CTNNA3: variants seen among roughly 807,000 people sequenced by gnomAD.
CTNNA3 encodes catenin alpha 3.
A neutral mutation model predicts 95.7 loss-of-function variants in CTNNA3; 76 were observed. The observed-to-expected ratio is 0.79, with a 90% CI of 0.66 to 0.96. CTNNA3 has a LOEUF of 0.96. CTNNA3 is among the 40% of genes least tolerant of loss of function. The probability of loss-of-function intolerance (pLI) is 0.00; values close to 1 mark genes in which losing one functional copy is unlikely to be tolerated. For missense variants in CTNNA3, 1,191 were observed against 1,089.8 expected (o/e 1.09, Z -1.31); for synonymous variants, 431 against 374.4 (o/e 1.15, Z -1.74).
intron 6 of CTNNA3, among the ~76,000 whole-genome samples, chr10:67,209,536 T>TAC (rs1346938177): frequency 6.6e-6 from 1 of 152,166 alleles, no homozygotes; most frequent in Non-Finnish European, 1.5e-5. Flanking sequence ...AAAGAGAGAA[T>TAC]ACACAATTTT....
At chr10:66,700,589 T>A (rs1045099425) in intron 9 of CTNNA3, among the ~76,000 whole-genome samples, 17 of 152,204 alleles carry the variant, frequency 1.1e-4, no homozygotes, top group African/African-American at 3.1e-4. Context: ...TATTTTTCTT[T>A]CTCAAGATTG....
chr10:67,421,604 C>T (rs991928449), intron 5 of CTNNA3, among the ~76,000 whole-genome samples: 2 of 152,186 alleles, frequency 1.3e-5, no homozygotes, highest in African/African-American at 4.8e-5. Context: ...ACTCAATTTA[C>T]ACAACCCTTC....
intron 7 of CTNNA3, among the ~76,000 whole-genome samples, chr10:67,038,251 A>G (rs1326236446): frequency 2.0e-5 from 3 of 152,138 alleles, no homozygotes; most frequent in Admixed American, 1.3e-4. Flanking sequence ...TTCTAAAAAA[A>G]TCTATCCTCC....
intron 13 of CTNNA3, among the ~76,000 whole-genome samples, chr10:66,218,592 C>A (rs1462829): frequency 1.2e-4 from 19 of 152,084 alleles, no homozygotes; most frequent in African/African-American, 4.6e-4. Flanking sequence ...TCAACTGTAA[C>A]CTTTTAAGAG....
chr10:66,299,259 C>G (rs748870503), intron 12 of CTNNA3, among the ~76,000 whole-genome samples: 1 of 152,138 alleles, frequency 6.6e-6, no homozygotes, highest in African/African-American at 2.4e-5. Context: ...GTGTCACAGG[C>G]GTGGGTCCTC....
At chr10:67,022,597 G>A (rs1853094937) in intron 7 of CTNNA3, among the ~76,000 whole-genome samples, 2 of 152,038 alleles carry the variant, frequency 1.3e-5, no homozygotes, top group African/African-American at 2.4e-5. Context: ...AATATACAAA[G>A]GTAAGTATAC....
intron 5 of CTNNA3, among the ~76,000 whole-genome samples, chr10:67,382,975 C>A (rs1262176778): frequency 1.3e-5 from 2 of 152,124 alleles, no homozygotes; most frequent in Non-Finnish European, 2.9e-5. Context: ...CCACTAGGCC[C>A]ACCTCCAACA....
At chr10:67,253,664 G>A (rs190797107) in intron 5 of CTNNA3, among the ~76,000 whole-genome samples, 2 of 152,264 alleles carry the variant, frequency 1.3e-5, no homozygotes, top group East Asian at 3.9e-4. Flanking sequence ...AGAGTCAGGA[G>A]GTAACCGGCA....
intron 7 of CTNNA3, among the ~76,000 whole-genome samples, chr10:66,913,111 C>A (rs1166451003): frequency 6.6e-6 from 1 of 151,580 alleles, no homozygotes; most frequent in African/African-American, 2.4e-5. Context: ...CTGTGGCAGG[C>A]GCCTGTAGTC....
At chr10:66,103,115 G>C (rs2081716128) in intron 14 of CTNNA3, 42 bp downstream of exon 14, 2 of 1,515,074 alleles carry the variant, frequency 1.3e-6, no homozygotes, top group African/African-American at 2.7e-5. Context: ...ACAGCCTTCA[G>C]TGACACAGTA....
chr10:66,858,901 TG>T (rs1330104798), intron 7 of CTNNA3, among the ~76,000 whole-genome samples: 1 of 152,120 alleles, frequency 6.6e-6, no homozygotes, highest in Non-Finnish European at 1.5e-5. Flanking sequence ...GCTCTGATTT[TG>T]CTTATTTCTT....
intron 7 of CTNNA3, among the ~76,000 whole-genome samples, chr10:66,975,469 G>T (rs1362928300): frequency 6.6e-6 from 1 of 152,148 alleles, no homozygotes; most frequent in Non-Finnish European, 1.5e-5. Flanking sequence ...AAGTTGGAAA[G>T]GTTTCCCTTT....
At chr10:66,391,688 C>G (rs531518328) in intron 11 of CTNNA3, among the ~76,000 whole-genome samples, 1 of 152,194 alleles carries the variant, frequency 6.6e-6, no homozygotes, top group African/African-American at 2.4e-5. Context: ...CTCTGTAGGA[C>G]ATTAACCAGT....
At chr10:66,134,323 G>T (rs1316771956) in intron 13 of CTNNA3, among the ~76,000 whole-genome samples, 5 of 152,050 alleles carry the variant, frequency 3.3e-5, no homozygotes, top group Non-Finnish European at 7.4e-5. Context: ...TCATGCACTG[G>T]TGGTTAGATT....
intron 7 of CTNNA3, 24 bp downstream of exon 7, chr10:67,180,293 T>A (rs1474041618): frequency 1.9e-6 from 3 of 1,602,768 alleles, no homozygotes; most frequent in Middle Eastern, 1.7e-4. Flanking sequence ...GGGCTAGGGA[T>A]GGGAAGGCAA....
chr10:66,247,217 G>T (rs1249588668), intron 13 of CTNNA3, among the ~76,000 whole-genome samples: 3 of 152,158 alleles, frequency 2.0e-5, no homozygotes, highest in African/African-American at 7.2e-5. Context: ...AAAAGAAGAA[G>T]TAGAGAATGG....
At chr10:67,406,876 T>G (rs1845156816) in intron 5 of CTNNA3, among the ~76,000 whole-genome samples, 1 of 152,152 alleles carries the variant, frequency 6.6e-6, no homozygotes, top group African/African-American at 2.4e-5. Context: ...AGAAAGAAAC[T>G]GAGTCCCTGA....
intron 1 of CTNNA3, among the ~76,000 whole-genome samples, chr10:67,731,505 A>C (rs572134320): frequency 6.6e-6 from 1 of 150,938 alleles, no homozygotes; most frequent in South Asian, 2.1e-4. Flanking sequence ...AAAAGTCTTA[A>C]GATATTTTGC....
intron 7 of CTNNA3, among the ~76,000 whole-genome samples, chr10:66,937,891 T>C (rs548768254): frequency 2.6e-5 from 4 of 151,984 alleles, no homozygotes; most frequent in African/African-American, 9.6e-5. Flanking sequence ...CTCTTTTCTG[T>C]TTTTTTTCCC....
Sources: gnomAD v4.1 joint callset for allele counts (sites outside exome capture counted in the v4.1 genomes callset) on GRCh38, gnomAD v4.1.1 for gene constraint, MANE v1.5 for transcripts, NCBI Gene and HGNC (gene_info 2026-07-23, HGNC 2026-07-21) for gene names.